The following DNAH9 variants were observed in gnomAD, a reference collection of about 807,000 sequenced individuals.
DNAH9 encodes dynein axonemal heavy chain 9, also known as DNAH9 variant protein.
Under a neutral mutation model 471.6 loss-of-function variants are expected in DNAH9, and 345 were observed. That is an observed-to-expected ratio of 0.73 (90% CI 0.67 to 0.80). The LOEUF (loss-of-function observed/expected upper bound fraction) is 0.80, where lower values mean the gene tolerates loss of function less well. Ranked by LOEUF, DNAH9 falls within the 30% of genes least tolerant of loss-of-function variation. The pLI, the probability that DNAH9 is intolerant of heterozygous loss-of-function variation, is 0.00. For missense variants in DNAH9, 5,407 were observed against 5,609.2 expected, an observed-to-expected ratio of 0.96 and a Z score of 1.15; for synonymous variants, 2,093 against 2,123.6, an observed-to-expected ratio of 0.99 and a Z score of 0.40.
chr17:11,749,080 T>G (rs922836507), intron 32 of DNAH9, among the ~76,000 whole-genome samples: 2 of 47,802 alleles, frequency 4.2e-5, no homozygotes, highest in African/African-American at 1.4e-4. Flanking sequence ...TTTTGTTTTT[T>G]TTTTTGTTTT....
chr17:11,704,493 G>T, intron 25 of DNAH9, 51 bp downstream of exon 25: 1 of 1,586,956 alleles, frequency 6.3e-7, no homozygotes, highest in Non-Finnish European at 8.6e-7. Context: ...GCTACACTGA[G>T]AACAGCACAT....
intron 33 of DNAH9, among the ~76,000 whole-genome samples, chr17:11,753,664 C>A (rs1967252938): frequency 6.6e-6 from 1 of 152,214 alleles, no homozygotes; most frequent in Non-Finnish European, 1.5e-5. Flanking sequence ...GAAACTCCAT[C>A]TCCAAAAACT....
chr17:11,698,202 AT>A (rs2074517886), intron 22 of DNAH9, among the ~76,000 whole-genome samples: 2 of 112,046 alleles, frequency 1.8e-5, no homozygotes, highest in South Asian at 5.6e-4. Flanking sequence ...ATAATAATAT[AT>A]TAATAATATA....
In DNAH9 at chr17:11,629,467, C is replaced by G. The variant is rs1327351382; in HGVS notation, c.1401C>G (p.Phe467Leu). 1.2e-6 allele frequency: 2 copies of G among 1,614,132 alleles called. No homozygotes were observed. Among genetic ancestry groups the G allele is most frequent in the Non-Finnish European group, 1.7e-6 (2 of 1,180,004 alleles). Residue 467 changes from phenylalanine (F) to leucine (L), a missense_variant, in exon 7 of 69, where the codon TTC (phenylalanine) becomes TTG (leucine). Around this residue, in one of 3 missense-constraint regions of DNAH9, gnomAD observed 767 missense variants for 692.5 expected, o/e 1.11. Coordinates refer to ENST00000262442, the MANE Select transcript of DNAH9 (RefSeq NM_001372.4). The part of the protein sequence containing the change: ...LDFHKLGKVE[F>L]SGVRGNALSQ... ...TCCACAAACTGGGAAAGGTGGAGTTCAGCGGCGTCAGAGGGAATGCTCTGA... is the reference window on the plus strand; with the variant it reads ...TCCACAAACTGGGAAAGGTGGAGTTGAGCGGCGTCAGAGGGAATGCTCTGA...
At chr17:11,958,822 C>T (rs774847674) in intron 67 of DNAH9, among the ~76,000 whole-genome samples, 3 of 152,030 alleles carry the variant, frequency 2.0e-5, no homozygotes, top group Non-Finnish European at 2.9e-5. Context: ...ACACCAAATA[C>T]GTTATGAGCA....
chr17:11,767,790 T>C (rs575507972), intron 36 of DNAH9, among the ~76,000 whole-genome samples: 14 of 152,208 alleles, frequency 9.2e-5, no homozygotes, highest in East Asian at 1.9e-4. Flanking sequence ...CTAATAGGTA[T>C]GCATGCAAAT....
chr17:11,694,062 CTG>C, intron 21 of DNAH9, 64 bp downstream of exon 21: 2 of 1,586,292 alleles, frequency 1.3e-6, no homozygotes, highest in Non-Finnish European at 1.7e-6. Context: ...CCCATCGTCT[CTG>C]AGACCAGTGG....
At chr17:11,781,288 T>C in intron 39 of DNAH9, 114 bp downstream of exon 39, 2 of 1,153,618 alleles carry the variant, frequency 1.7e-6, no homozygotes, top group Non-Finnish European at 2.4e-6. Context: ...TGGTGCCAGA[T>C]GGGAATCTTT....
chr17:11,611,694 C>A lies in DNAH9; in HGVS notation c.818C>A (p.Thr273Lys). 4.3e-6 allele frequency: 7 copies of A among 1,613,780 alleles called. No individual in the cohort carries two copies. Among genetic ancestry groups the A allele is most frequent in the Non-Finnish European group, 5.9e-6 (7 of 1,179,652 alleles). ...KYIYNQLRTI[T>K]VRGMAKLLDK... ...ATCTATAATCAACTGAGAACAATAA[C>A]GGTGAGGGGCATGGCCAAGCTCCTG... Residue 273 changes from threonine to lysine, a missense_variant, in exon 4 of 69, where the codon ACG becomes AAG. Transcript: ENST00000262442.
intron 56 of DNAH9, chr17:11,884,602 G>C (rs1036992106): frequency 2.2e-6 from 1 of 456,072 alleles, no homozygotes; most frequent in South Asian, 1.6e-5. Context: ...AATATGAAAA[G>C]CAATGATGGG....
rs745624071 is a variant in DNAH9 at position 11,699,882 on chromosome 17, A to G, written c.5024A>G (p.Gln1675Arg). 1.2e-6 allele frequency: 2 copies of G among 1,614,076 alleles called. No homozygotes were observed. The highest frequency in any genetic ancestry group is 1.7e-6 in the Non-Finnish European group (2 of 1,179,922). ...AGTGAGCCCTGTGACTGCAGCGGGC[A>G]GGTAACACAGTAGCCCTTTCCCCTC... ...AFSEPCDCSG[Q>R]VEIWLNHVLG... The change falls in exon 23 of 69, where the codon CAG (glutamine) becomes CGG (arginine). Residue 1675 changes from glutamine to arginine, a missense_variant and splice_region_variant. Transcript: ENST00000262442.
intron 26 of DNAH9, among the ~76,000 whole-genome samples, chr17:11,717,414 G>A (rs2074982998): frequency 1.3e-5 from 2 of 151,652 alleles, no homozygotes; most frequent in East Asian, 1.9e-4. Flanking sequence ...TCGGTCCAAG[G>A]TTTAGTCAAG....
chr17:11,942,450 C>G lies in DNAH9; in HGVS notation c.12808C>G (p.Gln4270Glu). Residue 4270 changes from glutamine to glutamate, a missense_variant, in exon 67 of 69, where the codon CAG becomes GAG. By Grantham distance (29) the Gln-to-Glu change is conservative. Coordinates refer to ENST00000262442, the MANE Select transcript of DNAH9 (RefSeq NM_001372.4). The stretch of plus-strand genomic sequence containing the variant: ...GATGAATATCCTCACCAGAGAGATT[C>G]AGCGCTCACTGAGGGAGCTGGAGCT... ...GRMNILTREI[Q>E]RSLRELELGL... is the part of the protein sequence containing the mutation. 6.2e-7 allele frequency: 1 copy of G among 1,614,156 alleles called. No individual in the cohort carries two copies. Among genetic ancestry groups the G allele is most frequent in the Non-Finnish European group, 8.5e-7 (1 of 1,180,030 alleles).
At chr17:11,632,402 A>G (rs1192508766) in intron 7 of DNAH9, among the ~76,000 whole-genome samples, 185 bp from the exon 8 acceptor site, 3 of 152,210 alleles carry the variant, frequency 2.0e-5, no homozygotes, top group Non-Finnish European at 4.4e-5. Flanking sequence ...CCTCTAGGTA[A>G]AAATGCTGCA....
chr17:11,694,468 C>T (rs1195778540), intron 22 of DNAH9, 21 bp downstream of exon 22: 130 of 1,612,932 alleles, frequency 8.1e-5, no homozygotes, highest in Non-Finnish European at 1.1e-4. Flanking sequence ...GGAGCATCTG[C>T]AGAAAGGTCT....
In DNAH9 at chr17:11,851,309, G is replaced by T. The variant is rs146535382; in HGVS notation, c.9508-2694G>T. Among the ~76,000 whole-genome samples, 193 of 152,080 alleles carry T rather than the reference G, an allele frequency of 1.3e-3. 3 individuals are homozygous for T. In the East Asian group the frequency reaches 0.032, roughly 25 times the overall value. ...TCTTTGTATTTTTAGTACAGATGGG[G>T]TTTTCACCATGTTGGCCAGGCTGGT... On this transcript the variant is annotated intron_variant, in intron 49 of 68. Coordinates refer to ENST00000262442, the MANE Select transcript of DNAH9 (RefSeq NM_001372.4).
chr17:11,920,037 T>TCC (rs1317125441), intron 61 of DNAH9, among the ~76,000 whole-genome samples: 2 of 142,852 alleles, frequency 1.4e-5, no homozygotes. Context: ...AGTTCTTTCT[T>TCC]TTTTTTTTTT....
intron 49 of DNAH9, among the ~76,000 whole-genome samples, chr17:11,846,127 T>A (rs1971215532): frequency 6.8e-6 from 1 of 148,002 alleles, no homozygotes; most frequent in Non-Finnish European, 1.5e-5. Flanking sequence ...AGGGTTTTTA[T>A]GGTTTTAGGT....
rs191720042 is a variant in DNAH9, at chr17:11,713,346, A to G, written c.5553-5988A>G. Reference sequence around the variant, plus strand: ...GATTCTCTGTCTTTGCTTTGTGAATAGTGCTGCAATGAACATATGCATGCA... The same window carrying G: ...GATTCTCTGTCTTTGCTTTGTGAATGGTGCTGCAATGAACATATGCATGCA... On this transcript the variant is annotated intron_variant, in intron 26 of 68. Transcript: ENST00000262442. Among the ~76,000 whole-genome samples the G allele has an allele frequency of 1.6e-4, 25 of 152,278 alleles. No homozygotes were observed. In the East Asian group the frequency reaches 3.9e-3, roughly 24 times the overall value.
Sources: allele counts gnomAD v4.1 joint callset (sites outside exome capture counted in the v4.1 genomes callset), GRCh38; gene constraint gnomAD v4.1.1; regional missense constraint gnomAD v4.1.1; transcripts MANE v1.5; gene names NCBI Gene and HGNC (gene_info 2026-07-23, HGNC 2026-07-21).